Variants in FSHR observed in about 807,000 individuals in gnomAD.
FSHR encodes follicle-stimulating hormone receptor.
A neutral mutation model predicts 52.1 loss-of-function variants in FSHR; 46 were observed. The ratio of observed to expected loss-of-function variants is 0.88; its 90% CI spans 0.70 to 1.13. The LOEUF is 1.13. FSHR is among the 50% of genes most tolerant of loss of function. FSHR has a pLI of 0.00. For synonymous variants in FSHR, 399 were observed against 309.6 expected, an observed-to-expected ratio of 1.29 and a Z score of -3.03; for missense variants, 964 against 834.6, an observed-to-expected ratio of 1.16 and a Z score of -1.91.
At chr2:49,127,811 CTTCTTCTTCTTCTTCTTCCTCTTCTTCT>C (rs1672082773) in intron 1 of FSHR, among the ~76,000 whole-genome samples, 1 of 51,552 alleles carries the variant, frequency 1.9e-5, no homozygotes, top group Non-Finnish European at 3.5e-5. Flanking sequence ...TCTTCTTCTT[CTTCTTCTTCTTCTTCTTCCTCTTCTTCT>C]TCTTCTTCTT....
chr2:48,972,028 G>A (rs1350503850), intron 8 of FSHR, among the ~76,000 whole-genome samples: 1 of 152,060 alleles, frequency 6.6e-6, no homozygotes, highest in South Asian at 2.1e-4. Flanking sequence ...GTATTTCTGG[G>A]TTGCTTCTTT....
intron 4 of FSHR, among the ~76,000 whole-genome samples, chr2:49,015,484 GT>G (rs1375805033): frequency 2.0e-5 from 3 of 152,122 alleles, no homozygotes; most frequent in Non-Finnish European, 2.9e-5. Context: ...TCTAAATCTT[GT>G]TTGAGGTTCA....
At chr2:49,055,794 C>G (rs759034742) in intron 2 of FSHR, among the ~76,000 whole-genome samples, 4 of 151,924 alleles carry the variant, frequency 2.6e-5, no homozygotes. Context: ...GACAAGAATA[C>G]TATACCCAGC....
At chr2:48,973,652 A>G (rs1040370179) in intron 8 of FSHR, among the ~76,000 whole-genome samples, 2 of 152,148 alleles carry the variant, frequency 1.3e-5, no homozygotes, top group African/African-American at 4.8e-5. Flanking sequence ...AGCTATTTGT[A>G]TTTTATCTCT....
chr2:49,027,104 C>T (rs1667934654), intron 2 of FSHR, among the ~76,000 whole-genome samples: 1 of 152,214 alleles, frequency 6.6e-6, no homozygotes, highest in South Asian at 2.1e-4. Flanking sequence ...ACTGGACTAA[C>T]CTAAGTTTTT....
intron 9 of FSHR, among the ~76,000 whole-genome samples, chr2:48,965,692 A>G (rs561167575): frequency 2.8e-4 from 42 of 152,290 alleles, no homozygotes; most frequent in African/African-American, 9.9e-4. Context: ...CCTATGGCTT[A>G]TGGTCGCTGT....
intron 4 of FSHR, chr2:49,014,871 C>CA: frequency 6.4e-6 from 3 of 468,450 alleles, no homozygotes; most frequent in Non-Finnish European, 1.3e-5. Flanking sequence ...TCCTAGAGAG[C>CA]ATTTGTTCTG....
At chr2:49,011,319 T>G (rs558926817) in intron 4 of FSHR, among the ~76,000 whole-genome samples, 1 of 152,238 alleles carries the variant, frequency 6.6e-6, no homozygotes, top group African/African-American at 2.4e-5. Context: ...GTTGTTCAGT[T>G]TCCATGTAGT....
At position 49,006,502 on chromosome 2, in the gene FSHR, G is replaced by A. The variant is rs563597233; in HGVS notation, c.374+10987C>T. Among the ~76,000 whole-genome samples the A allele has an allele frequency of 1.6e-4, 25 of 151,928 alleles. No individual in the cohort carries two copies. The East Asian group carries it at 2.9e-3, about 18-fold the overall frequency. ...TTTCTTTACATCCTTTATCATTTCC[G>A]TGGTTATTTCATTCTATTCATTTAC... On this transcript the variant is annotated intron_variant, in intron 4 of 9. Coordinates refer to ENST00000406846, the MANE Select transcript of FSHR (RefSeq NM_000145.4).
At chr2:49,101,228 C>A (rs963230768) in intron 1 of FSHR, among the ~76,000 whole-genome samples, 1 of 152,010 alleles carries the variant, frequency 6.6e-6, no homozygotes, top group Non-Finnish European at 1.5e-5. Context: ...TGGAGGGTAG[C>A]TAGAGGGAGA....
At chr2:49,010,640 T>A (rs1302047150) in intron 4 of FSHR, among the ~76,000 whole-genome samples, 2 of 150,770 alleles carry the variant, frequency 1.3e-5, no homozygotes, top group Non-Finnish European at 3.0e-5. Context: ...AGAATTCGGC[T>A]GTGAATCCAT....
chr2:48,983,790 G>A (rs553659825), intron 6 of FSHR, among the ~76,000 whole-genome samples: 2 of 152,260 alleles, frequency 1.3e-5, no homozygotes, highest in South Asian at 2.1e-4. Context: ...TGTGGGCTGT[G>A]GCAGGGTGAG....
intron 1 of FSHR, among the ~76,000 whole-genome samples, chr2:49,094,530 AT>A (rs1186320354): frequency 6.6e-6 from 1 of 152,132 alleles, no homozygotes; most frequent in Admixed American, 6.5e-5. Flanking sequence ...AGAAAGCCTT[AT>A]TTTACCTCTA....
At chr2:49,023,996 G>C (rs1195986750) in intron 2 of FSHR, among the ~76,000 whole-genome samples, 1 of 152,112 alleles carries the variant, frequency 6.6e-6, no homozygotes, top group Non-Finnish European at 1.5e-5. Context: ...TAAGCATACA[G>C]AATTTGGTCT....
chr2:48,975,496 A>G (rs1010363505), intron 8 of FSHR, among the ~76,000 whole-genome samples: 6 of 151,990 alleles, frequency 3.9e-5, no homozygotes, highest in African/African-American at 1.5e-4. Context: ...TCTTGCTTGG[A>G]CTGAGAATTA....
chr2:49,102,149 G>A (rs1671049012), intron 1 of FSHR, among the ~76,000 whole-genome samples: 1 of 152,060 alleles, frequency 6.6e-6, no homozygotes, highest in Admixed American at 6.6e-5. Flanking sequence ...ATATAGTCCA[G>A]GATTATACAT....
chr2:48,965,121 G>A (rs192502634), intron 9 of FSHR, among the ~76,000 whole-genome samples: 33 of 152,178 alleles, frequency 2.2e-4, no homozygotes, highest in Admixed American at 1.1e-3. Context: ...TATAAGTGGC[G>A]AAGTAAGTAT....
chr2:49,046,372 A>G (rs934613334), intron 2 of FSHR, among the ~76,000 whole-genome samples: 2 of 152,224 alleles, frequency 1.3e-5, no homozygotes, highest in African/African-American at 4.8e-5. Flanking sequence ...ATAGTAGATT[A>G]ATGCATGAAC....
rs966384647 is a variant in FSHR at position 49,014,282 on chromosome 2, A to G, written c.374+3207T>C. ...GAAAGCAGGTTTAAAATGCCCTGAG[A>G]ACAATAATCTTCTCTCAGAAAAAGA... On this transcript the variant is annotated intron_variant, in intron 4 of 9. Coordinates refer to ENST00000406846, the MANE Select transcript of FSHR (RefSeq NM_000145.4). 1.5e-4 allele frequency among the ~76,000 whole-genome samples: 23 copies of G among 152,112 alleles called. 1 individual carries two copies. The highest frequency in any genetic ancestry group is 4.4e-5 in the Non-Finnish European group (3 of 67,996).
Sources: gnomAD v4.1 joint callset for allele counts (sites outside exome capture counted in the v4.1 genomes callset) on GRCh38, gnomAD v4.1.1 for gene constraint, MANE v1.5 for transcripts, NCBI Gene and HGNC (gene_info 2026-07-23, HGNC 2026-07-21) for gene names.